Variants in SLC39A6 observed in about 807,000 individuals in gnomAD.
The protein encoded by SLC39A6 is zinc transporter ZIP6.
SLC39A6 carries 51 observed loss-of-function variants against 63.5 expected under a neutral mutation model. That is an observed-to-expected ratio of 0.80 (90% CI 0.64 to 1.01). The LOEUF (loss-of-function observed/expected upper bound fraction) is 1.01, where lower values mean the gene tolerates loss of function less well. Ranked by LOEUF, SLC39A6 falls within the 50% of genes least tolerant of loss-of-function variation. The probability of loss-of-function intolerance (pLI) is 0.00; values close to 1 mark genes in which losing one functional copy is unlikely to be tolerated. For synonymous variants in SLC39A6, 318 were observed against 324.7 expected (o/e 0.98, Z 0.22); for missense variants, 805 against 927.8 (o/e 0.87, Z 1.72).
At position 36,123,491 on chromosome 18, in the gene SLC39A6, T is replaced by C. The variant is rs750326218; in HGVS notation, c.1140+4A>G. The C allele has an allele frequency of 6.2e-7, 1 of 1,606,052 alleles. No homozygotes were observed. Among genetic ancestry groups the C allele is most frequent in the African/African-American group, 1.3e-5 (1 of 74,324 alleles). ...ACACTAACAGGACAAATTACTATACTTACATGTGGAAGAAGGTGTAAAAAA... is the reference window on the plus strand; with the variant it reads ...ACACTAACAGGACAAATTACTATACCTACATGTGGAAGAAGGTGTAAAAAA... On this transcript the variant is annotated splice_donor_region_variant and intron_variant, in intron 4 of 9. Coordinates refer to ENST00000269187, the MANE Select transcript of SLC39A6 (RefSeq NM_012319.4).
In SLC39A6 at chr18:36,112,521, T is replaced by C. The variant is rs1014041180; in HGVS notation, c.1904A>G (p.His635Arg). 20 of 1,613,400 alleles carry C rather than the reference T, an allele frequency of 1.2e-5. No homozygotes were observed. The highest frequency in any genetic ancestry group is 8.3e-5 in the Admixed American group (5 of 59,964). ...GLSTSVAVFC[H>R]ELPHELGDFA... ...CTTACCTAATTCATGAGGCAACTCATGACAGAACACAGCAACAGAAGTACT... is the reference window on the plus strand; with the variant it reads ...CTTACCTAATTCATGAGGCAACTCACGACAGAACACAGCAACAGAAGTACT... The change falls in exon 8 of 10, where the codon CAT becomes CGT. Residue 635 changes from histidine (H) to arginine (R), a missense_variant. His to Arg is a conservative substitution (Grantham distance 29). Transcript: ENST00000269187.
intron 2 of SLC39A6, 53 bp downstream of exon 2, chr18:36,126,166 G>A: frequency 6.8e-7 from 1 of 1,473,396 alleles, no homozygotes; most frequent in Non-Finnish European, 9.3e-7. Flanking sequence ...TAGAGTAGCA[G>A]AGACAGGACA....
At chr18:36,117,144 C>G (rs957581541) in intron 5 of SLC39A6, among the ~76,000 whole-genome samples, 1 of 152,044 alleles carries the variant, frequency 6.6e-6, no homozygotes, top group Non-Finnish European at 1.5e-5. Context: ...AGCTGAGGCA[C>G]AAGAATTGCT....
At position 36,109,460 on chromosome 18, in the gene SLC39A6, CA is replaced by C. The variant is rs769477299; in HGVS notation, c.*132del. ...TACCTTTAACTGACTTTGTAACAGA[CA>C]GCAATATTCAATACAAAAATCACAA... On this transcript the variant is annotated 3_prime_UTR_variant, in exon 10 of 10. Transcript: ENST00000269187. 6.6e-6 allele frequency: 4 copies of C among 610,040 alleles called. No individual in the cohort carries two copies. Among genetic ancestry groups the C allele is most frequent in the Non-Finnish European group, 1.1e-5 (4 of 357,172 alleles). 37.8% of individuals were successfully genotyped at this position (610,040 alleles called of 1,614,324 possible).
rs554946307 is a variant in SLC39A6 at position 36,119,995 on chromosome 18, A to C, written c.1359+2057T>G. Among the ~76,000 whole-genome samples the C allele has an allele frequency of 1.6e-4, 25 of 152,338 alleles. No individual in the cohort carries two copies. The East Asian group carries it at 4.8e-3, about 29-fold the overall frequency. On this transcript the variant is annotated intron_variant, in intron 5 of 9. Coordinates refer to ENST00000269187, the MANE Select transcript of SLC39A6 (RefSeq NM_012319.4). ...TAAATAAATTATGACATTTTGACCC[A>C]GATGTACAGTTAAAAAAAGAAGAAA...
At chr18:36,121,488 T>G (rs8093827) in intron 5 of SLC39A6, among the ~76,000 whole-genome samples, 70,561 of 152,052 alleles carry the variant, frequency 0.46, 16,869 homozygotes, top group East Asian at 0.64. Flanking sequence ...CTGACAGTCT[T>G]CTGAATGACT....
chr18:36,113,063 C>T lies in SLC39A6; in HGVS notation c.1844-482G>A, dbSNP rs547746153. Among the ~76,000 whole-genome samples, 4 of 151,516 alleles carry T rather than the reference C, an allele frequency of 2.6e-5. No homozygotes were observed. The South Asian group carries it at 6.2e-4, about 24-fold the overall frequency. ...CCTTTTAAAAATCTGACATATTATA[C>T]AATCAATCAATTATAAACCATGACT... On this transcript the variant is annotated intron_variant, in intron 7 of 9. Coordinates refer to ENST00000269187, the MANE Select transcript of SLC39A6 (RefSeq NM_012319.4).
intron 1 of SLC39A6, among the ~76,000 whole-genome samples, chr18:36,128,061 C>T (rs925575735): frequency 9.9e-5 from 15 of 152,188 alleles, no homozygotes; most frequent in Non-Finnish European, 2.2e-4. Context: ...ACAAACCAGT[C>T]AACATTTAAT....
In SLC39A6 at chr18:36,114,375, G is replaced by T. The variant is rs769554978; in HGVS notation, c.1565C>A (p.Ala522Asp). ...TTCATTGTAGACTTCCTGTGGATGA[G>T]CATGAGCTATCATGACCTCTTCTTC... ...LEEEEVMIAH[A>D]HPQEVYNEYV... Residue 522 changes from alanine (A) to aspartate (D), a missense_variant, in exon 7 of 10, where the codon GCT (alanine) becomes GAT (aspartate). Coordinates refer to ENST00000269187, the MANE Select transcript of SLC39A6 (RefSeq NM_012319.4). 2.5e-6 allele frequency: 4 copies of T among 1,614,218 alleles called. No homozygotes were observed. Among genetic ancestry groups the T allele is most frequent in the Non-Finnish European group, 3.4e-6 (4 of 1,180,026 alleles).
chr18:36,121,697 T>C (rs571264692), intron 5 of SLC39A6, among the ~76,000 whole-genome samples: 1 of 152,312 alleles, frequency 6.6e-6, no homozygotes, highest in Non-Finnish European at 1.5e-5. Context: ...ATTAATGACA[T>C]TAGTTAATCG....
rs752602645 is a variant in SLC39A6 at position 36,114,239 on chromosome 18, A to G, written c.1701T>C (p.His567=). 2 of 1,613,990 alleles carry G rather than the reference A, an allele frequency of 1.2e-6. No homozygotes were observed. Among genetic ancestry groups the G allele is most frequent in the Non-Finnish European group, 8.5e-7 (1 of 1,180,004 alleles). Residue 567 remains histidine, a synonymous_variant, in exon 7 of 10, where the codon CAT becomes CAC. Transcript: ENST00000269187. ...HHHDYHHILH[H]HHHQNHHPHS... ...GAGGATGGTGGTTTTGGTGGTGGTG[A>G]TGATGGAGAATATGATGGTAGTCAT...
intron 5 of SLC39A6, among the ~76,000 whole-genome samples, chr18:36,118,513 T>G (rs2089366159): frequency 6.6e-6 from 1 of 151,946 alleles, no homozygotes; most frequent in Non-Finnish European, 1.5e-5. Context: ...TGGGGAAGGT[T>G]GGGGAGGCAG....
chr18:36,126,472 T>C lies in SLC39A6; in HGVS notation c.536A>G (p.Lys179Arg), dbSNP rs2089438388. 6.2e-7 allele frequency: 1 copy of C among 1,614,156 alleles called. No individual in the cohort carries two copies. The highest frequency in any genetic ancestry group is 1.3e-5 in the African/African-American group (1 of 74,956). ...PEHASGRRNV[K>R]DSVSASEVTS... ...CACTTCACTAGCACTAACACTGTCC[T>C]TGACATTCCTTCTACCACTGGCATG... Residue 179 changes from lysine to arginine, a missense_variant, in exon 2 of 10, where the codon AAG (lysine) becomes AGG (arginine). Transcript: ENST00000269187.
chr18:36,109,988 C>T (rs2089288341), intron 9 of SLC39A6, among the ~76,000 whole-genome samples: 1 of 152,208 alleles, frequency 6.6e-6, no homozygotes, highest in East Asian at 1.9e-4. Context: ...TGTATTGGTT[C>T]CAGTTTCCAC....
intron 5 of SLC39A6, among the ~76,000 whole-genome samples, chr18:36,117,987 C>T (rs865890544): frequency 1.6e-4 from 24 of 150,274 alleles, no homozygotes; most frequent in Admixed American, 3.3e-4. Context: ...GCAGAGATCG[C>T]GCCACTGCAC....
In SLC39A6 at chr18:36,109,517, A is replaced by G; in HGVS notation, c.*76T>C. The G allele has an allele frequency of 8.6e-7, 1 of 1,162,826 alleles. No homozygotes were observed. Among genetic ancestry groups the G allele is most frequent in the Non-Finnish European group, 1.2e-6 (1 of 802,050 alleles). The allele number at this position is 1,162,826 out of a possible 1,614,324, so 72.0% of individuals were successfully genotyped here. ...ACTAACTTTAAACGCTGCATAGTAC[A>G]GCATACAAACTCATCTCCCTATGAC... On this transcript the variant is annotated 3_prime_UTR_variant, in exon 10 of 10. Coordinates refer to ENST00000269187, the MANE Select transcript of SLC39A6 (RefSeq NM_012319.4).
chr18:36,123,408 T>C (rs1050464803), intron 4 of SLC39A6, 87 bp downstream of exon 4: 2 of 1,251,628 alleles, frequency 1.6e-6, no homozygotes, highest in Non-Finnish European at 2.2e-6. Flanking sequence ...TTCTAACATT[T>C]TATACAAAAA....
intron 1 of SLC39A6, among the ~76,000 whole-genome samples, chr18:36,127,243 A>C (rs2089447525): frequency 6.6e-6 from 1 of 152,264 alleles, no homozygotes; most frequent in Non-Finnish European, 1.5e-5. Flanking sequence ...GCTGAGTGCT[A>C]AGAGACTGCC....
intron 5 of SLC39A6, among the ~76,000 whole-genome samples, chr18:36,120,972 G>A (rs1238741963): frequency 6.6e-6 from 1 of 151,838 alleles, no homozygotes; most frequent in African/African-American, 2.4e-5. Flanking sequence ...TTCAATTTTA[G>A]AGAAACCAAA....
Sources: gnomAD v4.1 joint callset for allele counts (sites outside exome capture counted in the v4.1 genomes callset) on GRCh38, gnomAD v4.1.1 for gene constraint, MANE v1.5 for transcripts, NCBI Gene and HGNC (gene_info 2026-07-23, HGNC 2026-07-21) for gene names.